PHLDB2: variants seen among roughly 807,000 people sequenced by gnomAD.
PHLDB2 encodes pleckstrin homology like domain family B member 2.
In PHLDB2, 71 loss-of-function variants were observed where a neutral mutation model predicts 123.6. That is an observed-to-expected ratio of 0.57 (90% CI 0.47 to 0.70). The LOEUF (loss-of-function observed/expected upper bound fraction) is 0.70. Ranked by LOEUF, PHLDB2 falls within the 30% of genes least tolerant of loss-of-function variation. The pLI, the probability that PHLDB2 is intolerant of heterozygous loss-of-function variation, is 0.00. For synonymous variants in PHLDB2, 547 were observed against 541.6 expected, an observed-to-expected ratio of 1.01 and a Z score of -0.14; for missense variants, 1,446 against 1,519.5, an observed-to-expected ratio of 0.95 and a Z score of 0.80.
chr3:111,830,608 G>A (rs2062907044), intron 1 of PHLDB2, among the ~76,000 whole-genome samples: 1 of 149,248 alleles, frequency 6.7e-6, no homozygotes, highest in African/African-American at 2.5e-5. Context: ...AGGAGATCGA[G>A]ACCATCCCGG....
chr3:111,904,926 T>A (rs2067425590), intron 2 of PHLDB2, among the ~76,000 whole-genome samples: 2 of 152,170 alleles, frequency 1.3e-5, no homozygotes, highest in South Asian at 4.2e-4. Flanking sequence ...CATTGCTTAA[T>A]GATGGGAATG....
At chr3:111,900,222 T>C (rs568523886) in intron 2 of PHLDB2, among the ~76,000 whole-genome samples, 114 of 152,378 alleles carry the variant, frequency 7.5e-4, no homozygotes, top group South Asian at 3.1e-3. Flanking sequence ...TGTTTCACTT[T>C]CTTATCATTT....
intron 10 of PHLDB2, chr3:111,949,707 A>T: frequency 2.0e-6 from 2 of 984,868 alleles, no homozygotes; most frequent in Non-Finnish European, 2.4e-6. Flanking sequence ...TAAAGCAAAG[A>T]TCACCTGTCT....
chr3:111,921,882 G>C (rs934502630), intron 5 of PHLDB2, among the ~76,000 whole-genome samples: 3 of 152,184 alleles, frequency 2.0e-5, no homozygotes, highest in African/African-American at 7.2e-5. Flanking sequence ...GATTACAGGC[G>C]TGAGCCGCCG....
chr3:111,851,250 G>A (rs1385783429), intron 2 of PHLDB2, among the ~76,000 whole-genome samples: 6 of 147,954 alleles, frequency 4.1e-5, no homozygotes, highest in African/African-American at 1.5e-4. Flanking sequence ...ATTCTCCTGA[G>A]AGAAGCAATG....
At position 111,940,552 on chromosome 3, in the gene PHLDB2, GA is replaced by G. The variant is rs2107600400; in HGVS notation, c.2309del (p.Lys770SerfsTer18). ...TCCTCCAGGAAAAAATTTCTGCATT[GA>G]AAAAGCAAGCCAATCACATTGTTCA... ...VSRKEKISAL[K>X]KQANHIVQQA... is the part of the protein sequence containing the mutation. On this transcript the variant is annotated frameshift_variant, in exon 8 of 18. Transcript: ENST00000431670. LOFTEE classifies it high-confidence loss of function. The G allele has an allele frequency of 6.3e-7, 1 of 1,599,128 alleles. No individual in the cohort carries two copies. Among genetic ancestry groups the G allele is most frequent in the East Asian group, 2.3e-5 (1 of 44,132 alleles).
At chr3:111,963,666 A>T (rs535281650) in intron 13 of PHLDB2, among the ~76,000 whole-genome samples, 1 of 152,262 alleles carries the variant, frequency 6.6e-6, no homozygotes, top group African/African-American at 2.4e-5. Flanking sequence ...TCCTACAAAT[A>T]TTTTTTTGTG....
intron 10 of PHLDB2, among the ~76,000 whole-genome samples, chr3:111,951,588 TTACTA>T (rs1408680339): frequency 3.3e-5 from 5 of 152,242 alleles, no homozygotes; most frequent in Admixed American, 3.3e-4. Flanking sequence ...AGAAATCACT[TTACTA>T]TATATATTTA....
At chr3:111,815,808 G>T (rs1019254111) in intron 1 of PHLDB2, among the ~76,000 whole-genome samples, 2 of 152,190 alleles carry the variant, frequency 1.3e-5, no homozygotes, top group African/African-American at 4.8e-5. Context: ...TAATCCCCAA[G>T]ACAATGGGGA....
At chr3:111,866,087 C>T (rs796175418) in intron 1 of PHLDB2, among the ~76,000 whole-genome samples, 4 of 127,058 alleles carry the variant, frequency 3.1e-5, no homozygotes, top group African/African-American at 1.2e-4. Context: ...TGGTGCGATC[C>T]AGCTCACTGC....
intron 3 of PHLDB2, among the ~76,000 whole-genome samples, chr3:111,918,807 C>A (rs2068326815): frequency 6.6e-6 from 1 of 152,188 alleles, no homozygotes; most frequent in Non-Finnish European, 1.5e-5. Context: ...TCTGTGTAAT[C>A]TCTTAGTTCT....
intron 1 of PHLDB2, among the ~76,000 whole-genome samples, chr3:111,762,957 G>A (rs2108018366): frequency 6.6e-6 from 1 of 152,222 alleles, no homozygotes; most frequent in Non-Finnish European, 1.5e-5. Context: ...AAGAGAAATG[G>A]AAAGATTAAA....
intron 1 of PHLDB2, among the ~76,000 whole-genome samples, chr3:111,814,809 C>T (rs555374916): frequency 6.6e-6 from 1 of 151,978 alleles, no homozygotes; most frequent in Admixed American, 6.6e-5. Context: ...TTATAACAAC[C>T]CACTCTCTCA....
chr3:111,840,041 A>C (rs1408052835), intron 1 of PHLDB2, among the ~76,000 whole-genome samples: 1 of 145,270 alleles, frequency 6.9e-6, no homozygotes, highest in African/African-American at 2.6e-5. Context: ...TGAGACAAGG[A>C]GTTTAAGACC....
chr3:111,751,255 G>T (rs774485593), intron 1 of PHLDB2, among the ~76,000 whole-genome samples: 1 of 151,814 alleles, frequency 6.6e-6, no homozygotes, highest in African/African-American at 2.4e-5. Context: ...GAAGATTTGC[G>T]CAGGAGCCAG....
intron 2 of PHLDB2, among the ~76,000 whole-genome samples, chr3:111,847,295 T>C (rs982580171): frequency 6.6e-6 from 1 of 152,188 alleles, no homozygotes; most frequent in African/African-American, 2.4e-5. Flanking sequence ...GTGTCTGTCA[T>C]GTATGAAGTT....
chr3:111,952,639 C>A lies in PHLDB2; in HGVS notation c.2699C>A (p.Pro900His). Residue 900 changes from proline to histidine, a missense_variant, in exon 11 of 18, where the codon CCT becomes CAT. By Grantham distance (77) the Pro-to-His change is moderately conservative (BLOSUM62 -2). Coordinates refer to ENST00000431670, the MANE Select transcript of PHLDB2 (RefSeq NM_001134438.2). The part of the protein sequence containing the change: ...KEGLYLSDTL[P>H]RKKTTSSISP... ...GGCCTCTATCTGAGTGATACTTTGC[C>A]TCGAAAGAAAACCACATCTTCCATC... 6.2e-7 allele frequency: 1 copy of A among 1,613,882 alleles called. No homozygotes were observed. Among genetic ancestry groups the A allele is most frequent in the Non-Finnish European group, 8.5e-7 (1 of 1,179,876 alleles).
intron 1 of PHLDB2, among the ~76,000 whole-genome samples, chr3:111,870,550 G>A (rs760247305): frequency 6.6e-6 from 1 of 152,118 alleles, no homozygotes; most frequent in Admixed American, 6.5e-5. Context: ...GTGTTTTGAT[G>A]TTGGGATTAG....
chr3:111,945,317 G>T lies in PHLDB2; in HGVS notation c.2447G>T (p.Gly816Val), dbSNP rs1485775596. 1 of 1,610,638 alleles carries T rather than the reference G, an allele frequency of 6.2e-7. No homozygotes were observed. The stretch of plus-strand genomic sequence containing the variant: ...GAAAAGAAATACTCCAGCCTCTCTG[G>T]GGGGAAAGGGTTTCCCGTTAACCCC... The part of the protein sequence containing the change: ...NLEKKYSSLS[G>V]GKGFPVNPNT... Residue 816 changes from glycine (G) to valine (V), a missense_variant, in exon 9 of 18, where the codon GGG (glycine) becomes GTG (valine). This residue lies in a region of PHLDB2 where 594 missense variants were observed against 646.0 expected (regional missense o/e 0.92). Transcript: ENST00000431670.
Sources: gnomAD v4.1 joint callset for allele counts (sites outside exome capture counted in the v4.1 genomes callset) on GRCh38, gnomAD v4.1.1 for gene constraint, gnomAD v4.1.1 regional missense constraint, MANE v1.5 for transcripts, NCBI Gene and HGNC (gene_info 2026-07-23, HGNC 2026-07-21) for gene names.